CPLANE1: variants seen among roughly 807,000 people sequenced by gnomAD.
The protein encoded by CPLANE1 is ciliogenesis and planar polarity effector complex subunit 1.
In CPLANE1, 263 loss-of-function variants were observed where a neutral mutation model predicts 362.5. The ratio of observed to expected loss-of-function variants is 0.73; its 90% CI spans 0.66 to 0.80. CPLANE1 has a LOEUF of 0.80. Ranked by LOEUF, CPLANE1 falls within the 30% of genes least tolerant of loss-of-function variation. The probability of loss-of-function intolerance (pLI) is 0.00; values close to 1 mark genes in which losing one functional copy is unlikely to be tolerated. For synonymous variants in CPLANE1, 1,212 were observed against 1,302.6 expected (o/e 0.93, Z 1.50); for missense variants, 3,461 against 3,793.4 (o/e 0.91, Z 2.30).
chr5:37,168,891 G>A lies in CPLANE1; in HGVS notation c.7133C>T (p.Ala2378Val). The change falls in exon 34 of 53, where the codon GCA becomes GTA. Residue 2378 changes from alanine to valine, a missense_variant. Around this residue, in one of 2 missense-constraint regions of CPLANE1, gnomAD observed 3,380 missense variants for 3,666.1 expected, o/e 0.92. Transcript: ENST00000651892. ...PPNMFPSTSR[A>V]SITVPSTPIQ... ...AGGTGTTGAGGGAACTGTAATAGATGCTCTTGAGGTTGATGGAAACATATT... is the reference window on the plus strand; with the variant it reads ...AGGTGTTGAGGGAACTGTAATAGATACTCTTGAGGTTGATGGAAACATATT... 1 of 1,614,084 alleles carries A rather than the reference G, an allele frequency of 6.2e-7. No homozygotes were observed.
intron 2 of CPLANE1, 99 bp downstream of exon 2, chr5:37,247,519 G>T: frequency 1.9e-6 from 2 of 1,032,104 alleles, no homozygotes; most frequent in Non-Finnish European, 1.4e-6. Flanking sequence ...AGTAGATGAT[G>T]TTTTATTTAT....
intron 24 of CPLANE1, among the ~76,000 whole-genome samples, chr5:37,186,015 A>G (rs924313330): frequency 3.9e-5 from 6 of 152,222 alleles, no homozygotes; most frequent in Non-Finnish European, 8.8e-5. Context: ...TTACAAATAA[A>G]GATATGAGGC....
intron 16 of CPLANE1, chr5:37,210,567 C>G (rs973095702): frequency 6.5e-7 from 1 of 1,529,230 alleles, no homozygotes; most frequent in African/African-American, 1.4e-5. Flanking sequence ...ATCTATAAAT[C>G]GCATGAAAGA....
At chr5:37,119,004 G>A (rs928227247) in intron 50 of CPLANE1, among the ~76,000 whole-genome samples, 21 of 152,002 alleles carry the variant, frequency 1.4e-4, no homozygotes, top group Admixed American at 3.9e-4. Context: ...GAGCCACCGC[G>A]CCGGGCCTAT....
At position 37,249,274 on chromosome 5, in the gene CPLANE1, G is replaced by C; in HGVS notation, c.-77C>G. The C allele has an allele frequency of 6.6e-6, 1 of 152,608 alleles. No individual in the cohort carries two copies. Among genetic ancestry groups the C allele is most frequent in the South Asian group, 2.1e-4 (1 of 4,834 alleles). The allele number at this position is 152,608 out of a possible 1,614,324, so 9.5% of individuals were successfully genotyped here. A position where few individuals can be genotyped will look rare whatever the true frequency, so the allele number is the denominator to read the frequency against. ...GCCAGGGGCAGGGTCCGGCCAGTCA[G>C]GCGCGAGAAGGCTAGGCGAGGCCGA... On this transcript the variant is annotated 5_prime_UTR_variant, in exon 1 of 53. Coordinates refer to ENST00000651892, the MANE Select transcript of CPLANE1 (RefSeq NM_001384732.1).
At chr5:37,185,197 T>C (rs1258848641) in intron 24 of CPLANE1, 118 bp from the exon 25 acceptor site, 1 of 804,816 alleles carries the variant, frequency 1.2e-6, no homozygotes, top group Non-Finnish European at 1.9e-6. Flanking sequence ...CTAAGGCTTA[T>C]TTCCACATTC....
chr5:37,229,588 A>T (rs1356229424), intron 9 of CPLANE1, among the ~76,000 whole-genome samples: 1 of 151,972 alleles, frequency 6.6e-6, no homozygotes, highest in African/African-American at 2.4e-5. Flanking sequence ...TAAACACCCT[A>T]CCTCAGTTTC....
chr5:37,180,349 CTT>C (rs1017864644), intron 27 of CPLANE1, among the ~76,000 whole-genome samples, 166 bp from the exon 28 acceptor site: 7 of 151,024 alleles, frequency 4.6e-5, no homozygotes, highest in African/African-American at 1.7e-4. Context: ...AAAGAACAAA[CTT>C]TGGTTTCATA....
chr5:37,225,852 C>CAAA lies in CPLANE1; in HGVS notation c.2291+449_2291+451dup, dbSNP rs70976285. Reference sequence around the variant, plus strand: ...TGGGGGACAAGAGTGTACTCCATCTCAAAAAAAAAAAAAAAAAAAAAAAGA... The same window carrying CAAA: ...TGGGGGACAAGAGTGTACTCCATCTCAAAAAAAAAAAAAAAAAAAAAAAAAAGA... On this transcript the variant is annotated intron_variant, in intron 12 of 52. Coordinates refer to ENST00000651892, the MANE Select transcript of CPLANE1 (RefSeq NM_001384732.1). Among the ~76,000 whole-genome samples, 180 of 56,962 alleles carry CAAA rather than the reference C, an allele frequency of 3.2e-3. 1 individual carries two copies. Among genetic ancestry groups the CAAA allele is most frequent in the East Asian group, 7.2e-3 (12 of 1,660 alleles). The allele number at this position is 56,962 out of a possible 152,430, so 37.4% of individuals were successfully genotyped here.
the CPLANE1 span, among the ~76,000 whole-genome samples, chr5:37,080,449 C>A: frequency 6.6e-6 from 1 of 152,080 alleles, no homozygotes; most frequent in Non-Finnish European, 1.5e-5. Flanking sequence ...GGGTTTTTTT[C>A]CAACACTTTT....
chr5:37,127,318 A>G (rs1002241998), intron 46 of CPLANE1, among the ~76,000 whole-genome samples: 6 of 152,156 alleles, frequency 3.9e-5, no homozygotes, highest in Admixed American at 2.6e-4. Flanking sequence ...GCACTGCAGT[A>G]TGATAGTTGT....
intron 46 of CPLANE1, among the ~76,000 whole-genome samples, chr5:37,134,270 G>T (rs180800978): frequency 6.6e-6 from 1 of 152,140 alleles, no homozygotes; most frequent in Admixed American, 6.5e-5. Context: ...TCTGGTCTGG[G>T]GCTTTTATTG....
At position 37,148,541 on chromosome 5, in the gene CPLANE1, G is replaced by A. The variant is rs769295355; in HGVS notation, c.8374-273C>T. Reference sequence around the variant, plus strand: ...CCTTAATTACTATCTAGACAAATTCGTATTAAAGATGAGAGAACAAAGCCC... The same window carrying A: ...CCTTAATTACTATCTAGACAAATTCATATTAAAGATGAGAGAACAAAGCCC... On this transcript the variant is annotated intron_variant, in intron 42 of 52. Transcript: ENST00000651892. Among the ~76,000 whole-genome samples the A allele has an allele frequency of 7.4e-4, 112 of 152,202 alleles. 1 individual carries two copies. Among genetic ancestry groups the A allele is most frequent in the Non-Finnish European group, 1.5e-3 (100 of 68,010 alleles).
Position 37,173,850 on chromosome 5 carries a change from G to T in CPLANE1, c.6076C>A (p.Gln2026Lys). ...VASQPPAPTP[Q>K]KTQRNEFTAQ... ...GTGAATTCATTTCTCTGGGTCTTCTGAGGTGTTGGAGCAGGTGGTTGTGAA... is the reference window on the plus strand; with the variant it reads ...GTGAATTCATTTCTCTGGGTCTTCTTAGGTGTTGGAGCAGGTGGTTGTGAA... The change falls in exon 32 of 53, where the codon CAG becomes AAG. Residue 2026 changes from glutamine (Q) to lysine (K), a missense_variant. Coordinates refer to ENST00000651892, the MANE Select transcript of CPLANE1 (RefSeq NM_001384732.1). The T allele has an allele frequency of 6.2e-7, 1 of 1,614,146 alleles. No individual in the cohort carries two copies. The highest frequency in any genetic ancestry group is 8.5e-7 in the Non-Finnish European group (1 of 1,180,002).
intron 18 of CPLANE1, among the ~76,000 whole-genome samples, chr5:37,204,367 A>G (rs1790078963): frequency 6.6e-6 from 1 of 152,220 alleles, no homozygotes; most frequent in African/African-American, 2.4e-5. Context: ...AATATACGAC[A>G]TTAAATGACT....
intron 52 of CPLANE1, among the ~76,000 whole-genome samples, chr5:37,107,984 C>T (rs747226755): frequency 1.3e-5 from 2 of 152,140 alleles, no homozygotes; most frequent in African/African-American, 2.4e-5. Flanking sequence ...TCTCACACAA[C>T]GAGATGCTGG....
chr5:37,098,440 C>CA, the CPLANE1 span, among the ~76,000 whole-genome samples: 2 of 145,874 alleles, frequency 1.4e-5, no homozygotes, highest in African/African-American at 5.1e-5. Context: ...CTACTCACAG[C>CA]ATTAGATAGC....
At chr5:37,220,590 A>C (rs1795154594) in intron 15 of CPLANE1, among the ~76,000 whole-genome samples, 1 of 151,798 alleles carries the variant, frequency 6.6e-6, no homozygotes, top group African/African-American at 2.4e-5. Flanking sequence ...CAGTGGCGCT[A>C]CCTTGGCTCG....
intron 21 of CPLANE1, among the ~76,000 whole-genome samples, chr5:37,193,167 T>TC (rs1786144080): frequency 7.0e-6 from 1 of 142,004 alleles, no homozygotes; most frequent in African/African-American, 2.6e-5. Flanking sequence ...AGACTCCAAC[T>TC]AAAAAAAAAA....
Sources: gnomAD v4.1 joint callset for allele counts (sites outside exome capture counted in the v4.1 genomes callset) on GRCh38, gnomAD v4.1.1 for gene constraint, gnomAD v4.1.1 regional missense constraint, MANE v1.5 for transcripts, NCBI Gene and HGNC (gene_info 2026-07-23, HGNC 2026-07-21) for gene names.